The following TRAPPC8 variants were observed in gnomAD, a reference collection of about 807,000 sequenced individuals.
The protein encoded by TRAPPC8 is trafficking protein particle complex subunit 8.
A neutral mutation model predicts 174.3 loss-of-function variants in TRAPPC8; 54 were observed. That is an observed-to-expected ratio of 0.31 (90% CI 0.25 to 0.39). The LOEUF (loss-of-function observed/expected upper bound fraction) is 0.39. TRAPPC8 is among the 10% of genes least tolerant of loss of function. The pLI is 1.00. For missense variants in TRAPPC8, 1,531 were observed against 1,699.1 expected, an observed-to-expected ratio of 0.90 and a Z score of 1.74; for synonymous variants, 630 against 579.9, an observed-to-expected ratio of 1.09 and a Z score of -1.24.
At chr18:31,847,483 G>A (rs779475332) in intron 25 of TRAPPC8, among the ~76,000 whole-genome samples, 28 of 151,904 alleles carry the variant, frequency 1.8e-4, no homozygotes, top group Non-Finnish European at 3.5e-4. Context: ...TGACAAGCCC[G>A]GTATTTTTAC....
In TRAPPC8 at chr18:31,909,738, C is replaced by G. The variant is rs1319619269; in HGVS notation, c.794G>C (p.Cys265Ser). The change falls in exon 6 of 29, where the codon TGT (cysteine) becomes TCT (serine). Residue 265 changes from cysteine (C) to serine (S), a missense_variant. Cys to Ser is a moderately radical substitution (Grantham distance 112). Transcript: ENST00000283351. ...AGAATTCTTATTTGAAGTTATAGTA[C>G]AAGGGCCATCTTCATATGATTCCTA... ...QNQESYEDGP[C>S]TITSNKNSDN... The G allele has an allele frequency of 6.3e-7, 1 of 1,594,030 alleles. No individual in the cohort carries two copies. Among genetic ancestry groups the G allele is most frequent in the Non-Finnish European group, 8.5e-7 (1 of 1,173,086 alleles).
At chr18:31,839,505 T>TAA in intron 26 of TRAPPC8, 48 bp from the exon 27 acceptor site, 1 of 1,502,704 alleles carries the variant, frequency 6.7e-7, no homozygotes, top group Non-Finnish European at 8.9e-7. Flanking sequence ...ACTACCTTGT[T>TAA]TAAAAAAAAA....
intron 11 of TRAPPC8, among the ~76,000 whole-genome samples, chr18:31,893,747 T>G (rs1429780917): frequency 6.6e-6 from 1 of 152,182 alleles, no homozygotes; most frequent in Non-Finnish European, 1.5e-5. Context: ...GAATTTCACT[T>G]AGGCCTCAAC....
chr18:31,898,306 A>G (rs984814877), intron 10 of TRAPPC8, among the ~76,000 whole-genome samples: 2 of 152,144 alleles, frequency 1.3e-5, no homozygotes, highest in Non-Finnish European at 2.9e-5. Context: ...GGCTGACTGT[A>G]AAAAGAAGAA....
rs610869 is a variant in TRAPPC8 at position 31,877,170 on chromosome 18, C to T, written c.1729-2466G>A. Reference sequence around the variant, plus strand: ...CAATCGCTGAAGTGGGCAGCCCCAGCGGCTGGAAATGAACATGAAGAGGGG... The same window carrying T: ...CAATCGCTGAAGTGGGCAGCCCCAGTGGCTGGAAATGAACATGAAGAGGGG... On this transcript the variant is annotated intron_variant, in intron 12 of 28. Transcript: ENST00000283351. 4.1e-3 allele frequency among the ~76,000 whole-genome samples: 617 copies of T among 152,254 alleles called. 3 individuals are homozygous for T. The highest frequency in any genetic ancestry group is 0.014 in the African/African-American group (586 of 41,548).
At position 31,864,626 on chromosome 18, in the gene TRAPPC8, C is replaced by T. The variant is rs771002248; in HGVS notation, c.2745+1G>A. On this transcript the variant is annotated splice_donor_variant, in intron 19 of 28. Coordinates refer to ENST00000283351, the MANE Select transcript of TRAPPC8 (RefSeq NM_014939.5). LOFTEE classifies it high-confidence loss of function. ...CCATGAAATTTTAAAAAGTGAAATA[C>T]CTCCAACAGTGGCATTTCTTCTGTG... 3 of 1,610,420 alleles carry T rather than the reference C, an allele frequency of 1.9e-6. No individual in the cohort carries two copies. The highest frequency in any genetic ancestry group is 2.5e-6 in the Non-Finnish European group (3 of 1,178,738).
chr18:31,921,509 C>G (rs149712826), intron 2 of TRAPPC8, among the ~76,000 whole-genome samples: 3,389 of 150,998 alleles, frequency 0.022, 117 homozygotes, highest in African/African-American at 0.077. Context: ...CCCAGCTACT[C>G]GGAGGCTGAG....
At chr18:31,858,391 T>C (rs1195261973) in intron 19 of TRAPPC8, among the ~76,000 whole-genome samples, 1 of 152,182 alleles carries the variant, frequency 6.6e-6, no homozygotes, top group Non-Finnish European at 1.5e-5. Context: ...ATCATCAAGA[T>C]GAAAAGATAT....
chr18:31,858,216 T>C (rs897946970), intron 19 of TRAPPC8, among the ~76,000 whole-genome samples: 3 of 151,044 alleles, frequency 2.0e-5, no homozygotes, highest in Non-Finnish European at 1.5e-5. Flanking sequence ...GAATTAAAGG[T>C]ATACTATCAG....
At position 31,864,697 on chromosome 18, in the gene TRAPPC8, T is replaced by C; in HGVS notation, c.2675A>G (p.Lys892Arg). Residue 892 changes from lysine to arginine, a missense_variant, in exon 19 of 29, where the codon AAA becomes AGA. Coordinates refer to ENST00000283351, the MANE Select transcript of TRAPPC8 (RefSeq NM_014939.5). ...ATCAGGGCCATATTTAACAGATGTTTTCTCTTCTTTTGTGTTGTTAAGTCG... is the reference window on the plus strand; with the variant it reads ...ATCAGGGCCATATTTAACAGATGTTCTCTCTTCTTTTGTGTTGTTAAGTCG... ...GPRLNNTKEE[K>R]TSVKYGPDRR... 6.2e-7 allele frequency: 1 copy of C among 1,613,288 alleles called. No individual in the cohort carries two copies. Among genetic ancestry groups the C allele is most frequent in the Non-Finnish European group, 8.5e-7 (1 of 1,179,558 alleles).
intron 22 of TRAPPC8, among the ~76,000 whole-genome samples, chr18:31,853,231 A>G (rs1271685725): frequency 6.6e-6 from 1 of 152,142 alleles, no homozygotes; most frequent in Non-Finnish European, 1.5e-5. Context: ...AGAAAATTCC[A>G]TATTCTAGTC....
At chr18:31,838,075 T>C (rs1181605214) in intron 27 of TRAPPC8, among the ~76,000 whole-genome samples, 1 of 151,800 alleles carries the variant, frequency 6.6e-6, no homozygotes, top group Admixed American at 6.6e-5. Flanking sequence ...GCTCAAGCGA[T>C]CCTCCTGCCT....
intron 20 of TRAPPC8, among the ~76,000 whole-genome samples, chr18:31,856,536 T>C (rs1003975605): frequency 1.3e-5 from 2 of 152,204 alleles, no homozygotes; most frequent in South Asian, 2.1e-4. Flanking sequence ...TTGCTTCTAA[T>C]AGTGGTTCTG....
intron 10 of TRAPPC8, among the ~76,000 whole-genome samples, 193 bp from the exon 11 acceptor site, chr18:31,898,084 A>G (rs560853899): frequency 7.9e-5 from 12 of 152,336 alleles, no homozygotes; most frequent in African/African-American, 2.6e-4. Flanking sequence ...TTTGCCTATT[A>G]ACCCATACAC....
In TRAPPC8 at chr18:31,916,276, G is replaced by A; in HGVS notation, c.613C>T (p.Gln205Ter). Residue 205 changes from glutamine (Q) to a stop codon, truncating the protein, a stop_gained, in exon 4 of 29, where the codon CAG becomes TAG. Coordinates refer to ENST00000283351, the MANE Select transcript of TRAPPC8 (RefSeq NM_014939.5). LOFTEE classifies it high-confidence loss of function. ...AAAACTAAAATAAAAACTTACCTCT[G>A]TTCATCTCCTGCACTTACATCATGT... ...LLHDVSAGDE[Q>*]RAESIYEEMK... is the part of the protein sequence containing the mutation. 1 of 1,510,696 alleles carries A rather than the reference G, an allele frequency of 6.6e-7. No individual in the cohort carries two copies. The highest frequency in any genetic ancestry group is 8.8e-7 in the Non-Finnish European group (1 of 1,131,398). The allele number at this position is 1,510,696 out of a possible 1,614,324, so 93.6% of individuals were successfully genotyped here.
intron 3 of TRAPPC8, among the ~76,000 whole-genome samples, chr18:31,917,348 T>A (rs2037192021): frequency 6.6e-6 from 1 of 151,656 alleles, no homozygotes; most frequent in South Asian, 2.1e-4. Flanking sequence ...AAGCAAGCCC[T>A]CTGTAGTCTT....
intron 14 of TRAPPC8, 86 bp downstream of exon 14, chr18:31,873,344 T>A: frequency 8.9e-7 from 1 of 1,126,478 alleles, no homozygotes; most frequent in Non-Finnish European, 1.3e-6. Flanking sequence ...AATATTCAAC[T>A]ATACATCGTT....
chr18:31,875,648 C>A lies in TRAPPC8; in HGVS notation c.1729-944G>T, dbSNP rs1470955517. Among the ~76,000 whole-genome samples, 5 of 152,142 alleles carry A rather than the reference C, an allele frequency of 3.3e-5. 1 individual carries two copies. Among genetic ancestry groups the A allele is most frequent in the Non-Finnish European group, 7.3e-5 (5 of 68,036 alleles). On this transcript the variant is annotated intron_variant, in intron 12 of 28. Coordinates refer to ENST00000283351, the MANE Select transcript of TRAPPC8 (RefSeq NM_014939.5). ...TTCCTGGTATTCAGTGCATTTACTGCAGGACTTAAGAAGAGCAAGAGATTA... is the reference window on the plus strand; with the variant it reads ...TTCCTGGTATTCAGTGCATTTACTGAAGGACTTAAGAAGAGCAAGAGATTA...
At position 31,867,466 on chromosome 18, in the gene TRAPPC8, T is replaced by A. The variant is rs150501679; in HGVS notation, c.2399A>T (p.Glu800Val). 2.5e-6 allele frequency: 4 copies of A among 1,604,574 alleles called. No homozygotes were observed. The highest frequency in any genetic ancestry group is 3.4e-6 in the Non-Finnish European group (4 of 1,173,530). The change falls in exon 17 of 29, where the codon GAA (glutamate) becomes GTA (valine). Residue 800 changes from glutamate to valine, a missense_variant. By Grantham distance (121) the Glu-to-Val change is moderately radical (BLOSUM62 -2). Transcript: ENST00000283351. ...AACTTCAGCTCCAATCATTTCAGGTTCACTTGTAACCTAAAAAATAAATTT... is the reference window on the plus strand; with the variant it reads ...AACTTCAGCTCCAATCATTTCAGGTACACTTGTAACCTAAAAAATAAATTT... ...NEEVKQLVTS[E>V]PEMIGAEVIS...
Sources: gnomAD v4.1 joint callset for allele counts (sites outside exome capture counted in the v4.1 genomes callset) on GRCh38, gnomAD v4.1.1 for gene constraint, MANE v1.5 for transcripts, NCBI Gene and HGNC (gene_info 2026-07-23, HGNC 2026-07-21) for gene names.